The following UBAP2 variants were observed in gnomAD, a reference collection of about 807,000 sequenced individuals.
The protein encoded by UBAP2 is ubiquitin associated protein 2, also known as ubiquitin-associated protein 2.
UBAP2 carries 75 observed loss-of-function variants against 139.6 expected under a neutral mutation model. The observed-to-expected ratio is 0.54, with a 90% confidence interval of 0.45 to 0.65. The LOEUF (loss-of-function observed/expected upper bound fraction) is 0.65, where lower values mean the gene tolerates loss of function less well. UBAP2 is among the 30% of genes least tolerant of loss of function. UBAP2 has a pLI of 0.00. For synonymous variants in UBAP2, 526 were observed against 526.2 expected, an observed-to-expected ratio of 1.00 and a Z score of 0.01; for missense variants, 1,368 against 1,369.6, an observed-to-expected ratio of 1.00 and a Z score of 0.02.
chr9:34,012,524 G>A (rs7033336), intron 2 of UBAP2, among the ~76,000 whole-genome samples: 52,443 of 105,820 alleles, frequency 0.5, 9,477 homozygotes, highest in Middle Eastern at 0.57. Flanking sequence ...AAGTAAAACT[G>A]TCTCAAAAAA....
At chr9:34,011,113 T>C (rs929881836) in intron 2 of UBAP2, among the ~76,000 whole-genome samples, 27 of 152,208 alleles carry the variant, frequency 1.8e-4, no homozygotes, top group African/African-American at 6.5e-4. Context: ...AACAAGCACT[T>C]GATGGGTGAA....
chr9:33,991,001 G>A (rs940259355), intron 4 of UBAP2, among the ~76,000 whole-genome samples: 2 of 151,970 alleles, frequency 1.3e-5, no homozygotes, highest in Non-Finnish European at 2.9e-5. Context: ...ATAAAACAAC[G>A]TGGCCGAGCA....
intron 3 of UBAP2, chr9:33,996,650 A>C (rs1716995714): frequency 4.2e-6 from 1 of 237,602 alleles, no homozygotes; most frequent in Admixed American, 5.6e-5. Context: ...GAATAATCAA[A>C]TTTAATTCAA....
chr9:34,006,766 T>C (rs145152622), intron 2 of UBAP2, among the ~76,000 whole-genome samples: 86 of 152,132 alleles, frequency 5.7e-4, no homozygotes, highest in African/African-American at 1.9e-3. Context: ...ATAAAAGGTA[T>C]AAATTGTGAA....
At chr9:33,924,352 A>C (rs1377673849) in intron 22 of UBAP2, 68 bp from the exon 23 acceptor site, 4 of 1,482,974 alleles carry the variant, frequency 2.7e-6, no homozygotes, top group South Asian at 2.3e-5. Context: ...CAGAACCAGC[A>C]CATGGAAGTG....
chr9:34,049,111 T>C (rs1827892288), upstream of UBAP2, among the ~76,000 whole-genome samples: 1 of 152,188 alleles, frequency 6.6e-6, no homozygotes, highest in South Asian at 2.1e-4. Context: ...CTTGATAATA[T>C]GTATTGTACT....
chr9:33,944,504 G>C lies in UBAP2; in HGVS notation c.1406C>G (p.Thr469Arg). 1 of 1,614,156 alleles carries C rather than the reference G, an allele frequency of 6.2e-7. No individual in the cohort carries two copies. The highest frequency in any genetic ancestry group is 8.5e-7 in the Non-Finnish European group (1 of 1,180,044). ...FPSQAKLRESTPGDSPSTVNK... is the reference protein window; with the variant it reads ...FPSQAKLRESRPGDSPSTVNK... ...CACAGTGGAGGGACTGTCTCCAGGTGTTGATTCTCGAAGTTTTGCCTGGGA... is the reference window on the plus strand; with the variant it reads ...CACAGTGGAGGGACTGTCTCCAGGTCTTGATTCTCGAAGTTTTGCCTGGGA... Residue 469 changes from threonine (T) to arginine (R), a missense_variant, in exon 14 of 29, where the codon ACA becomes AGA. Thr to Arg is a moderately conservative substitution (Grantham distance 71, BLOSUM62 -1). Coordinates refer to ENST00000379238, the MANE Select transcript of UBAP2 (RefSeq NM_001370062.2).
intron 6 of UBAP2, among the ~76,000 whole-genome samples, chr9:33,977,042 ATTTTTTTTT>A (rs778975821): frequency 1.6e-5 from 2 of 127,132 alleles, no homozygotes; most frequent in East Asian, 4.7e-4. Context: ...TTTTTTATTT[ATTTTTTTTT>A]TTTTTGAGAC....
At position 33,963,792 on chromosome 9, in the gene UBAP2, C is replaced by T. The variant is rs1413897658; in HGVS notation, c.680-1G>A. ...ATGTTGTGAGTATTTGATGCCAGTT[C>T]TGTGGACCAATGTAAAATTGAGGGT... On this transcript the variant is annotated splice_acceptor_variant, in intron 8 of 28. Transcript: ENST00000379238. LOFTEE classifies it high-confidence loss of function. 9 of 1,609,620 alleles carry T rather than the reference C, an allele frequency of 5.6e-6. No individual in the cohort carries two copies. Among genetic ancestry groups the T allele is most frequent in the Non-Finnish European group, 7.7e-6 (9 of 1,176,390 alleles).
Position 33,989,060 on chromosome 9 carries a change from T to A in UBAP2, c.355A>T (p.Asn119Tyr), listed in dbSNP as rs760765266. The A allele has an allele frequency of 3.5e-5, 56 of 1,613,966 alleles. No individual in the cohort carries two copies. The highest frequency in any genetic ancestry group is 4.7e-5 in the Non-Finnish European group (55 of 1,180,012). Residue 119 changes from asparagine (N) to tyrosine (Y), a missense_variant, in exon 5 of 29, where the codon AAT (asparagine) becomes TAT (tyrosine). Asn to Tyr is a moderately radical substitution (Grantham distance 143, BLOSUM62 -2). Coordinates refer to ENST00000379238, the MANE Select transcript of UBAP2 (RefSeq NM_001370062.2). ...FAKENSENKE[N>Y]REKKSEKESS... is the part of the protein sequence containing the mutation. Reference sequence around the variant, plus strand: ...TCTTTCTCGCTTTTCTTCTCTCTATTCTCTTTGTTTTCTGAATTTTCTTTT... The same window carrying A: ...TCTTTCTCGCTTTTCTTCTCTCTATACTCTTTGTTTTCTGAATTTTCTTTT...
At chr9:33,968,003 G>T in intron 8 of UBAP2, 1 of 341,874 alleles carries the variant, frequency 2.9e-6, no homozygotes, top group Non-Finnish European at 5.8e-6. Flanking sequence ...CAGTGGATTG[G>T]TACAGCCTTT....
At chr9:33,980,401 T>C (rs1215060876) in intron 6 of UBAP2, among the ~76,000 whole-genome samples, 1 of 140,250 alleles carries the variant, frequency 7.1e-6, no homozygotes, top group African/African-American at 2.7e-5. Context: ...CCAGCTAATC[T>C]TTTTTTGTAT....
chr9:33,974,970 T>C (rs28862619), intron 6 of UBAP2, among the ~76,000 whole-genome samples: 17,898 of 149,244 alleles, frequency 0.12, 1,430 homozygotes, highest in African/African-American at 0.21. Context: ...GGCAATGGAC[T>C]TGAATATGGA....
chr9:33,980,492 T>C lies in UBAP2; in HGVS notation c.520+6268A>G, dbSNP rs181125903. 4.4e-3 allele frequency among the ~76,000 whole-genome samples: 669 copies of C among 151,692 alleles called. 9 individuals are homozygous for C. Among genetic ancestry groups the C allele is most frequent in the Admixed American group, 0.033 (507 of 15,216 alleles). Reference sequence around the variant, plus strand: ...TCCTGACCTCGTGATCTGCCCGCCTTGGCCTCCCAAAGTGCTGGGATTACA... The same window carrying C: ...TCCTGACCTCGTGATCTGCCCGCCTCGGCCTCCCAAAGTGCTGGGATTACA... On this transcript the variant is annotated intron_variant, in intron 6 of 28. Transcript: ENST00000379238.
intron 8 of UBAP2, among the ~76,000 whole-genome samples, chr9:33,969,561 A>AG (rs1205994104): frequency 2.3e-5 from 3 of 131,684 alleles, no homozygotes; most frequent in African/African-American, 9.5e-5. Context: ...TAAAAAAAAA[A>AG]AAAGAAAGAA....
At chr9:34,033,489 G>T (rs1447707804) in intron 1 of UBAP2, among the ~76,000 whole-genome samples, 5 of 152,084 alleles carry the variant, frequency 3.3e-5, no homozygotes, top group African/African-American at 1.2e-4. Context: ...GGACTTGGGG[G>T]AGGTAGGGAT....
intron 11 of UBAP2, among the ~76,000 whole-genome samples, chr9:33,955,776 G>A (rs1243507182): frequency 2.0e-5 from 3 of 151,076 alleles, no homozygotes; most frequent in South Asian, 2.1e-4. Flanking sequence ...GCAGTGAGCC[G>A]AGATAGCGCC....
At chr9:34,049,167 A>C (rs556661535), upstream of UBAP2, among the ~76,000 whole-genome samples, 483 of 152,332 alleles carry the variant, frequency 3.2e-3, no homozygotes, top group African/African-American at 0.011. Context: ...AGGTGCCCAC[A>C]ACTGCAGCTC....
chr9:33,941,944 G>A (rs946159409), intron 15 of UBAP2, 82 bp from the exon 16 acceptor site: 12 of 920,260 alleles, frequency 1.3e-5, no homozygotes, highest in Admixed American at 9.1e-5. Flanking sequence ...ACAGCTTCAC[G>A]AGATGCAACT....
Sources: gnomAD v4.1 joint callset for allele counts (sites outside exome capture counted in the v4.1 genomes callset) on GRCh38, gnomAD v4.1.1 for gene constraint, MANE v1.5 for transcripts, NCBI Gene and HGNC (gene_info 2026-07-23, HGNC 2026-07-21) for gene names.